Variants in WDFY3 observed in about 807,000 individuals in gnomAD.
WDFY3 encodes the protein WD repeat and FYVE domain-containing protein 3.
WDFY3 carries 66 observed loss-of-function variants against 409.6 expected under a neutral mutation model. The ratio of observed to expected loss-of-function variants is 0.16; its 90% CI spans 0.13 to 0.20. The LOEUF is 0.20. Ranked by LOEUF, WDFY3 falls within the 10% of genes least tolerant of loss-of-function variation. WDFY3 has a pLI of 1.00. For missense variants in WDFY3, 3,031 were observed against 4,298.1 expected (o/e 0.71, Z 8.24); for synonymous variants, 1,521 against 1,537.1 (o/e 0.99, Z 0.25).
Position 84,715,284 on chromosome 4 carries a change from C to T in WDFY3, c.7961+14G>A, listed in dbSNP as rs761922631. ...TCCCATAATAGTATACAAAGTGTTC[C>T]GAATAAACAAGACCTTTGATAGACT... On this transcript the variant is annotated intron_variant, in intron 50 of 67. Coordinates refer to ENST00000295888, the MANE Select transcript of WDFY3 (RefSeq NM_014991.6). 4.0e-5 allele frequency: 61 copies of T among 1,523,440 alleles called. No individual in the cohort carries two copies. The highest frequency in any genetic ancestry group is 4.9e-5 in the Non-Finnish European group (54 of 1,101,860). 94.4% of individuals were successfully genotyped at this position (1,523,440 alleles called of 1,614,324 possible).
chr4:84,915,889 C>T (rs1768416307), intron 2 of WDFY3, among the ~76,000 whole-genome samples: 1 of 152,164 alleles, frequency 6.6e-6, no homozygotes, highest in Non-Finnish European at 1.5e-5. Context: ...GCAAGTGCCA[C>T]AAAACCAATT....
chr4:84,804,957 CT>C (rs770074630), intron 15 of WDFY3, among the ~76,000 whole-genome samples: 7 of 152,120 alleles, frequency 4.6e-5, no homozygotes, highest in African/African-American at 7.2e-5. Context: ...TTGAGTACCC[CT>C]AATCCAAAAA....
chr4:84,885,981 T>C (rs137979851), intron 3 of WDFY3, among the ~76,000 whole-genome samples: 276 of 152,292 alleles, frequency 1.8e-3, no homozygotes, highest in African/African-American at 4.8e-3. Context: ...CAACTATATA[T>C]AGTTATTTAA....
intron 10 of WDFY3, among the ~76,000 whole-genome samples, chr4:84,823,066 T>C (rs77708615): frequency 0.031 from 4,708 of 152,190 alleles, 217 homozygotes; most frequent in African/African-American, 0.11. Context: ...AGAACAAAAC[T>C]GGACAACTTA....
At chr4:84,845,842 T>C (rs1159497037) in intron 5 of WDFY3, among the ~76,000 whole-genome samples, 2 of 152,036 alleles carry the variant, frequency 1.3e-5, no homozygotes, top group African/African-American at 2.4e-5. Flanking sequence ...AGAATTATGT[T>C]CTTCTCTCCT....
chr4:84,865,541 T>C (rs1215456120), intron 3 of WDFY3, among the ~76,000 whole-genome samples: 3 of 152,358 alleles, frequency 2.0e-5, no homozygotes, highest in African/African-American at 7.2e-5. Flanking sequence ...TGGCCTGCCT[T>C]CGGCAAAAAT....
chr4:84,890,029 G>A (rs1031568477), intron 3 of WDFY3, among the ~76,000 whole-genome samples: 1 of 152,116 alleles, frequency 6.6e-6, no homozygotes, highest in African/African-American at 2.4e-5. Flanking sequence ...AATAAGCAAG[G>A]TTTCCACAGA....
At chr4:84,856,444 C>T (rs1485498255) in intron 4 of WDFY3, among the ~76,000 whole-genome samples, 2 of 152,126 alleles carry the variant, frequency 1.3e-5, no homozygotes, top group Non-Finnish European at 2.9e-5. Flanking sequence ...TCTTTGTCAG[C>T]TTTTGTTCTT....
chr4:84,770,063 C>CT (rs1744393047), intron 30 of WDFY3, among the ~76,000 whole-genome samples: 2 of 151,582 alleles, frequency 1.3e-5, no homozygotes, highest in Non-Finnish European at 2.9e-5. Flanking sequence ...GAGTCTCACT[C>CT]TGTCACGCAG....
At chr4:84,762,254 A>C (rs1742762817) in intron 32 of WDFY3, among the ~76,000 whole-genome samples, 1 of 151,980 alleles carries the variant, frequency 6.6e-6, no homozygotes, top group Non-Finnish European at 1.5e-5. Flanking sequence ...AAAATGTGGC[A>C]CATATACACC....
chr4:84,961,924 T>C lies in WDFY3; in HGVS notation c.-226+4285A>G, dbSNP rs571767175. ...ACTGATATTAATAAATATACACTTA[T>C]CCTAGGACTCAAAAATCCCACTCCT... On this transcript the variant is annotated intron_variant, in intron 1 of 67. Transcript: ENST00000295888. Among the ~76,000 whole-genome samples, 7 of 152,302 alleles carry C rather than the reference T, an allele frequency of 4.6e-5. No individual in the cohort carries two copies. The East Asian group carries it at 7.7e-4, about 17-fold the overall frequency.
intron 2 of WDFY3, among the ~76,000 whole-genome samples, chr4:84,906,771 A>ATT (rs574300152): frequency 0.038 from 5,252 of 136,926 alleles, 183 homozygotes; most frequent in Admixed American, 0.12. Context: ...ATATTTTGTG[A>ATT]TTTTTTTTTT....
intron 8 of WDFY3, among the ~76,000 whole-genome samples, chr4:84,831,199 A>AAG (rs1553976945): frequency 2.0e-5 from 3 of 151,812 alleles, no homozygotes; most frequent in Non-Finnish European, 2.9e-5. Context: ...AAAAAAAAAA[A>AAG]AAAGAAATAT....
chr4:84,864,841 A>T (rs1761148607), intron 3 of WDFY3, among the ~76,000 whole-genome samples: 1 of 152,218 alleles, frequency 6.6e-6, no homozygotes, highest in African/African-American at 2.4e-5. Context: ...ATCAGGTAAC[A>T]ATCAGAATGT....
intron 36 of WDFY3, among the ~76,000 whole-genome samples, chr4:84,748,311 G>C (rs1040570996): frequency 2.0e-5 from 3 of 152,148 alleles, no homozygotes; most frequent in African/African-American, 7.2e-5. Flanking sequence ...TTCTCAGAGA[G>C]AGGTTCACTT....
intron 33 of WDFY3, among the ~76,000 whole-genome samples, chr4:84,755,850 TAGC>T (rs1741346129): frequency 6.6e-6 from 1 of 152,224 alleles, no homozygotes; most frequent in African/African-American, 2.4e-5. Context: ...GACTTATTAA[TAGC>T]AGTTTTATAT....
intron 55 of WDFY3, 122 bp from the exon 56 acceptor site, chr4:84,702,628 C>T: frequency 2.5e-6 from 2 of 803,036 alleles, no homozygotes; most frequent in Non-Finnish European, 3.6e-6. Context: ...CATTATCCTA[C>T]ATTAAATACG....
intron 13 of WDFY3, among the ~76,000 whole-genome samples, chr4:84,815,758 A>G (rs565649462): frequency 6.6e-5 from 10 of 152,292 alleles, no homozygotes; most frequent in Non-Finnish European, 1.3e-4. Flanking sequence ...TCATCTGTCC[A>G]TCACTGGCAA....
At chr4:84,845,267 C>T (rs569084478) in intron 5 of WDFY3, among the ~76,000 whole-genome samples, 5 of 152,274 alleles carry the variant, frequency 3.3e-5, no homozygotes, top group African/African-American at 9.6e-5. Flanking sequence ...GTTCACTTCA[C>T]CTGTTTTTTT....
Sources: gnomAD v4.1 joint callset for allele counts (sites outside exome capture counted in the v4.1 genomes callset) on GRCh38, gnomAD v4.1.1 for gene constraint, MANE v1.5 for transcripts, NCBI Gene and HGNC (gene_info 2026-07-23, HGNC 2026-07-21) for gene names.